Variants in CAB39L observed in about 807,000 individuals in gnomAD.
CAB39L encodes the protein calcium-binding protein 39-like.
In CAB39L, 23 loss-of-function variants were observed where a neutral mutation model predicts 39.1. The observed-to-expected ratio is 0.59, with a 90% CI of 0.42 to 0.83. The LOEUF (loss-of-function observed/expected upper bound fraction) is 0.83. Ranked by LOEUF, CAB39L falls within the 40% of genes least tolerant of loss-of-function variation. The probability of loss-of-function intolerance (pLI) is 0.00; values close to 1 mark genes in which losing one functional copy is unlikely to be tolerated. For missense variants in CAB39L, 366 were observed against 391.9 expected, an observed-to-expected ratio of 0.93 and a Z score of 0.56; for synonymous variants, 126 against 137.2, an observed-to-expected ratio of 0.92 and a Z score of 0.57.
chr13:49,392,064 A>G (rs2138623697), intron 3 of CAB39L, among the ~76,000 whole-genome samples: 1 of 152,188 alleles, frequency 6.6e-6, no homozygotes, highest in African/African-American at 2.4e-5. Context: ...ATCAAGCAAT[A>G]TTACAACATG....
intron 3 of CAB39L, among the ~76,000 whole-genome samples, chr13:49,407,820 GAGTTCAAGACC>G (rs1714009562): frequency 7.1e-6 from 1 of 141,434 alleles, no homozygotes. Flanking sequence ...TTGAGCCCAG[GAGTTCAAGACC>G]AGCCTGAGCA....
chr13:49,364,803 C>A (rs1383833153), intron 5 of CAB39L, among the ~76,000 whole-genome samples: 2 of 151,654 alleles, frequency 1.3e-5, no homozygotes, highest in East Asian at 3.9e-4. Context: ...AAAGGACATG[C>A]AAAAAAGGAA....
At chr13:49,390,254 A>G (rs1158641892) in intron 3 of CAB39L, among the ~76,000 whole-genome samples, 2 of 151,990 alleles carry the variant, frequency 1.3e-5, no homozygotes, top group East Asian at 3.9e-4. Context: ...TTTCATATTT[A>G]AAAAAAATTT....
At chr13:49,317,282 C>T (rs543875508) in intron 10 of CAB39L, among the ~76,000 whole-genome samples, 1 of 152,262 alleles carries the variant, frequency 6.6e-6, no homozygotes, top group South Asian at 2.1e-4. Context: ...CTAAACCCAG[C>T]ACTTTGGGAG....
At chr13:49,360,725 T>C (rs753556114) in intron 5 of CAB39L, among the ~76,000 whole-genome samples, 8 of 152,134 alleles carry the variant, frequency 5.3e-5, no homozygotes, top group Non-Finnish European at 7.3e-5. Context: ...GGGGGTGGTT[T>C]CCCTCATGCT....
At chr13:49,405,757 G>GGGACGGAC (rs1269620963) in intron 3 of CAB39L, among the ~76,000 whole-genome samples, 8 of 128,520 alleles carry the variant, frequency 6.2e-5, no homozygotes, top group Non-Finnish European at 1.0e-4. Flanking sequence ...AAGGGAGGGA[G>GGGACGGAC]GGACGGAGGG....
chr13:49,333,728 T>C (rs145552916), intron 9 of CAB39L, among the ~76,000 whole-genome samples: 11 of 151,762 alleles, frequency 7.2e-5, no homozygotes, highest in African/African-American at 1.2e-4. Flanking sequence ...CCTGCCACCA[T>C]GCCCGGCTAA....
intron 5 of CAB39L, 51 bp downstream of exon 5, chr13:49,376,916 T>TAGATAGATAGAC: frequency 7.0e-7 from 1 of 1,431,150 alleles, no homozygotes. Context: ...GATAGATAGA[T>TAGATAGATAGAC]AGATATTAAA....
intron 3 of CAB39L, among the ~76,000 whole-genome samples, chr13:49,415,149 A>T (rs1306035090): frequency 1.3e-5 from 2 of 152,012 alleles, no homozygotes; most frequent in African/African-American, 4.8e-5. Flanking sequence ...GTTAGCCAAG[A>T]TCATGCCACT....
chr13:49,442,522 T>C (rs959592678), intron 1 of CAB39L, among the ~76,000 whole-genome samples: 1 of 152,184 alleles, frequency 6.6e-6, no homozygotes, highest in Non-Finnish European at 1.5e-5. Context: ...CCAGGTGCCG[T>C]GGCTCACACC....
At chr13:49,342,928 C>T (rs1047175699) in intron 8 of CAB39L, among the ~76,000 whole-genome samples, 25 of 152,028 alleles carry the variant, frequency 1.6e-4, no homozygotes, top group African/African-American at 5.1e-4. Context: ...TAACATTTTT[C>T]GTATGTTGGG....
At chr13:49,438,534 TA>T (rs1387605413) in intron 1 of CAB39L, among the ~76,000 whole-genome samples, 2 of 152,244 alleles carry the variant, frequency 1.3e-5, no homozygotes, top group Non-Finnish European at 2.9e-5. Context: ...TTCATGTTTA[TA>T]AATGTTTGTC....
intron 3 of CAB39L, chr13:49,420,413 T>C (rs1331469426): frequency 6.6e-6 from 1 of 152,262 alleles, no homozygotes; most frequent in East Asian, 1.9e-4. Context: ...ATTTTATCAA[T>C]GTATTAGAGA....
Position 49,401,896 on chromosome 13 carries a change from A to G in CAB39L, c.-31-18955T>C, listed in dbSNP as rs898039809. Among the ~76,000 whole-genome samples the G allele has an allele frequency of 2.2e-4, 34 of 152,190 alleles. 1 individual carries two copies. Among genetic ancestry groups the G allele is most frequent in the Non-Finnish European group, 4.4e-5 (3 of 68,024 alleles). The stretch of plus-strand genomic sequence containing the variant: ...AAGAAAGTGGAGCAAGTAAACACAC[A>G]AGTACTTGTATTAGAAACTTAATCT... On this transcript the variant is annotated intron_variant, in intron 3 of 10. Coordinates refer to ENST00000409308, the MANE Select transcript of CAB39L (RefSeq NM_001079670.3).
chr13:49,377,196 CAAAT>C, intron 4 of CAB39L, 65 bp from the exon 5 acceptor site: 6 of 1,368,514 alleles, frequency 4.4e-6, no homozygotes, highest in Non-Finnish European at 4.0e-6. Flanking sequence ...AACAAACAAA[CAAAT>C]AATCCAAAAA....
chr13:49,311,000 C>T lies in CAB39L; in HGVS notation c.835-7G>A. The T allele has an allele frequency of 1.9e-6, 3 of 1,611,100 alleles. No homozygotes were observed. Among genetic ancestry groups the T allele is most frequent in the Non-Finnish European group, 2.5e-6 (3 of 1,178,366 alleles). Reference sequence around the variant, plus strand: ...GAGGACTGGCCACAAACACCTGAAACAAAAAGAAACAAATACTTAGGAGTG... The same window carrying T: ...GAGGACTGGCCACAAACACCTGAAATAAAAAGAAACAAATACTTAGGAGTG... On this transcript the variant is annotated splice_region_variant and splice_polypyrimidine_tract_variant and intron_variant, in intron 10 of 10. Coordinates refer to ENST00000409308, the MANE Select transcript of CAB39L (RefSeq NM_001079670.3).
intron 10 of CAB39L, among the ~76,000 whole-genome samples, chr13:49,327,653 G>C (rs1454740529): frequency 6.6e-6 from 1 of 152,142 alleles, no homozygotes; most frequent in East Asian, 1.9e-4. Flanking sequence ...TCCACACTTA[G>C]TGTTCTTTTG....
chr13:49,375,040 CA>C (rs1323488924), intron 5 of CAB39L, among the ~76,000 whole-genome samples: 1 of 151,840 alleles, frequency 6.6e-6, no homozygotes, highest in Non-Finnish European at 1.5e-5. Flanking sequence ...AGGGTTATAA[CA>C]AAAACAAACC....
chr13:49,433,945 T>G, intron 2 of CAB39L, 141 bp downstream of exon 2: 1 of 325,076 alleles, frequency 3.1e-6, no homozygotes, highest in Non-Finnish European at 6.0e-6. Context: ...CCTGCTAGAT[T>G]TTTTCTTTTC....
Sources: gnomAD v4.1 joint callset for allele counts (sites outside exome capture counted in the v4.1 genomes callset) on GRCh38, gnomAD v4.1.1 for gene constraint, MANE v1.5 for transcripts, NCBI Gene and HGNC (gene_info 2026-07-23, HGNC 2026-07-21) for gene names.